Variants in TRPC6 observed in about 807,000 individuals in gnomAD.
TRPC6 encodes transient receptor potential cation channel subfamily C member 6, also known as short transient receptor potential channel 6.
A neutral mutation model predicts 90.7 loss-of-function variants in TRPC6; 55 were observed. The ratio of observed to expected loss-of-function variants is 0.61; its 90% CI spans 0.49 to 0.76. The LOEUF (loss-of-function observed/expected upper bound fraction) is 0.76. TRPC6 is among the 30% of genes least tolerant of loss of function. The pLI is 0.00. For synonymous variants in TRPC6, 393 were observed against 393.0 expected, an observed-to-expected ratio of 1.00 and a Z score of 0.00; for missense variants, 989 against 1,122.7, an observed-to-expected ratio of 0.88 and a Z score of 1.70.
intron 1 of TRPC6, among the ~76,000 whole-genome samples, chr11:101,517,596 C>T (rs1387586157): frequency 1.3e-5 from 2 of 152,168 alleles, no homozygotes; most frequent in Admixed American, 1.3e-4. Context: ...CCACTTTACC[C>T]ACCAAAGTAA....
intron 1 of TRPC6, among the ~76,000 whole-genome samples, chr11:101,577,206 G>T (rs1305129009): frequency 6.6e-6 from 1 of 151,946 alleles, no homozygotes; most frequent in African/African-American, 2.4e-5. Context: ...CATTTCAAAG[G>T]GTATACTAGA....
intron 1 of TRPC6, among the ~76,000 whole-genome samples, chr11:101,516,535 G>A (rs183587029): frequency 6.6e-6 from 1 of 152,104 alleles, no homozygotes; most frequent in East Asian, 1.9e-4. Flanking sequence ...TTCCATCTTT[G>A]CATGCCCTAA....
chr11:101,569,176 A>G (rs1404339673), intron 1 of TRPC6, among the ~76,000 whole-genome samples: 1 of 150,078 alleles, frequency 6.7e-6, no homozygotes, highest in Non-Finnish European at 1.5e-5. Flanking sequence ...ATATTTACTA[A>G]GCAAATGGAA....
At chr11:101,492,988 G>A (rs1859864692) in intron 2 of TRPC6, among the ~76,000 whole-genome samples, 1 of 152,046 alleles carries the variant, frequency 6.6e-6, no homozygotes, top group Non-Finnish European at 1.5e-5. Flanking sequence ...TACTCTATTG[G>A]GAAGACTTAA....
intron 1 of TRPC6, among the ~76,000 whole-genome samples, chr11:101,565,689 G>T (rs1299203416): frequency 1.3e-5 from 2 of 151,952 alleles, no homozygotes; most frequent in Non-Finnish European, 2.9e-5. Context: ...ATAGCACCTT[G>T]TATATAATAG....
chr11:101,474,770 C>CA (rs1859374781), intron 6 of TRPC6, among the ~76,000 whole-genome samples: 2 of 152,150 alleles, frequency 1.3e-5, no homozygotes, highest in South Asian at 2.1e-4. Context: ...ATATTTTCCC[C>CA]ATCCAGGTTT....
At chr11:101,507,003 T>A (rs1298689232) in intron 1 of TRPC6, among the ~76,000 whole-genome samples, 2 of 126,098 alleles carry the variant, frequency 1.6e-5, no homozygotes, top group Non-Finnish European at 3.2e-5. Flanking sequence ...TCTCTCTCTC[T>A]CTAACACACA....
intron 7 of TRPC6, 60 bp downstream of exon 7, chr11:101,473,449 G>A: frequency 2.5e-6 from 4 of 1,585,406 alleles, no homozygotes; most frequent in Non-Finnish European, 3.5e-6. Flanking sequence ...CATAAACGCT[G>A]TTAAACTAAT....
At chr11:101,524,374 G>A (rs1001780297) in intron 1 of TRPC6, among the ~76,000 whole-genome samples, 9 of 152,186 alleles carry the variant, frequency 5.9e-5, no homozygotes, top group South Asian at 2.1e-4. Context: ...TCAGCCTCCC[G>A]AGTAGCTGGG....
At chr11:101,560,297 T>TG (rs1297854918) in intron 1 of TRPC6, among the ~76,000 whole-genome samples, 2 of 140,392 alleles carry the variant, frequency 1.4e-5, no homozygotes, top group Non-Finnish European at 3.2e-5. Flanking sequence ...TGGCTTCTCT[T>TG]TAAAAAAAAA....
intron 10 of TRPC6, among the ~76,000 whole-genome samples, chr11:101,468,870 C>G (rs1220658715): frequency 6.6e-6 from 1 of 152,070 alleles, no homozygotes; most frequent in African/African-American, 2.4e-5. Flanking sequence ...TTTTCAGCAA[C>G]AAGCATTTAT....
intron 1 of TRPC6, among the ~76,000 whole-genome samples, chr11:101,536,154 A>C (rs1861039478): frequency 3.3e-5 from 5 of 152,246 alleles, no homozygotes; most frequent in African/African-American, 9.6e-5. Flanking sequence ...TGGGAGGCCA[A>C]GATGGGCGGA....
Position 101,483,082 on chromosome 11 carries a change from C to A in TRPC6, c.1377G>T (p.Met459Ile). ...SFTIFLGLLV[M>I]NAADRFEGTK... Reference sequence around the variant, plus strand: ...TGCCTTCAAATCTGTCAGCTGCATTCATGACTAGCAGTCCCAGAAAAATGG... The same window carrying A: ...TGCCTTCAAATCTGTCAGCTGCATTAATGACTAGCAGTCCCAGAAAAATGG... The change falls in exon 5 of 13, where the codon ATG (methionine) becomes ATT (isoleucine). Residue 459 changes from methionine (M) to isoleucine (I), a missense_variant. This residue lies in a region of TRPC6 where 486 missense variants were observed against 591.9 expected (regional missense o/e 0.82). Transcript: ENST00000344327. The A allele has an allele frequency of 6.2e-7, 1 of 1,614,096 alleles. No individual in the cohort carries two copies. The highest frequency in any genetic ancestry group is 8.5e-7 in the Non-Finnish European group (1 of 1,179,962).
intron 2 of TRPC6, among the ~76,000 whole-genome samples, chr11:101,492,276 CAA>C (rs777549772): frequency 6.6e-6 from 1 of 152,040 alleles, no homozygotes; most frequent in Non-Finnish European, 1.5e-5. Flanking sequence ...AAAGCATAAT[CAA>C]AGTTATTTAA....
intron 1 of TRPC6, among the ~76,000 whole-genome samples, chr11:101,567,704 C>G (rs1168188047): frequency 6.6e-6 from 1 of 152,200 alleles, no homozygotes; most frequent in African/African-American, 2.4e-5. Context: ...GCAGCCTCCG[C>G]TGGTGATAAC....
chr11:101,491,832 CATT>C, intron 2 of TRPC6, 94 bp from the exon 3 acceptor site: 1 of 568,380 alleles, frequency 1.8e-6, no homozygotes, highest in South Asian at 2.2e-5. Context: ...TTAAGAGAAA[CATT>C]CTTTTTTTTT....
chr11:101,482,294 T>G (rs1363419630), intron 5 of TRPC6, among the ~76,000 whole-genome samples: 3 of 152,182 alleles, frequency 2.0e-5, no homozygotes. Flanking sequence ...AATATCTAAT[T>G]GAAGTATCTT....
chr11:101,561,378 T>A (rs904878250), intron 1 of TRPC6, among the ~76,000 whole-genome samples: 3 of 152,186 alleles, frequency 2.0e-5, no homozygotes, highest in Non-Finnish European at 4.4e-5. Flanking sequence ...AGTAAGTCAT[T>A]CATTTCAGTT....
In TRPC6 at chr11:101,489,044, A is replaced by G. The variant is rs1266215919; in HGVS notation, c.1186T>C (p.Ser396Pro). The G allele has an allele frequency of 1.2e-6, 2 of 1,614,080 alleles. No individual in the cohort carries two copies. The highest frequency in any genetic ancestry group is 1.7e-6 in the Non-Finnish European group (2 of 1,180,030). The change falls in exon 4 of 13, where the codon TCT becomes CCT. Residue 396 changes from serine (S) to proline (P), a missense_variant. Coordinates refer to ENST00000344327, the MANE Select transcript of TRPC6 (RefSeq NM_004621.6). The stretch of plus-strand genomic sequence containing the variant: ...GCCATTGTCTGCTGTCGTAAACCAG[A>G]AAGATTCTCATACCAAATGGAGAGA... ...QLLSIWYENL[S>P]GLRQQTMAVK...
Sources: allele counts gnomAD v4.1 joint callset (sites outside exome capture counted in the v4.1 genomes callset), GRCh38; gene constraint gnomAD v4.1.1; regional missense constraint gnomAD v4.1.1; transcripts MANE v1.5; gene names NCBI Gene and HGNC (gene_info 2026-07-23, HGNC 2026-07-21).